Variants in SGPP2 observed in about 807,000 individuals in gnomAD.
SGPP2 encodes sphingosine-1-phosphate phosphatase 2.
Under a neutral mutation model 33.9 loss-of-function variants are expected in SGPP2, and 30 were observed. That is an observed-to-expected ratio of 0.89 (90% CI 0.66 to 1.20). The LOEUF (loss-of-function observed/expected upper bound fraction) is 1.20. Ranked by LOEUF, SGPP2 falls within the 50% of genes most tolerant of loss-of-function variation. SGPP2 has a pLI of 0.00. For synonymous variants in SGPP2, 233 were observed against 225.0 expected (o/e 1.04, Z -0.32); for missense variants, 458 against 532.1 (o/e 0.86, Z 1.37).
intron 4 of SGPP2, 30 bp downstream of exon 4, chr2:222,525,063 A>AT: frequency 6.5e-7 from 1 of 1,526,856 alleles, no homozygotes; most frequent in Non-Finnish European, 9.0e-7. Context: ...TCTTGTGGTG[A>AT]TTGTTTGAAT....
chr2:222,449,904 A>G (rs1697457369), intron 1 of SGPP2, among the ~76,000 whole-genome samples: 1 of 152,178 alleles, frequency 6.6e-6, no homozygotes, highest in Non-Finnish European at 1.5e-5. Context: ...CCTGCTAGCA[A>G]GTATGGGAAT....
intron 3 of SGPP2, among the ~76,000 whole-genome samples, chr2:222,523,541 C>T (rs1698716664): frequency 6.6e-6 from 1 of 152,172 alleles, no homozygotes; most frequent in East Asian, 1.9e-4. Context: ...CCACCCAGTC[C>T]TCCTTAAAAA....
chr2:222,481,430 C>T (rs995288349), intron 2 of SGPP2, among the ~76,000 whole-genome samples: 4 of 151,988 alleles, frequency 2.6e-5, no homozygotes, highest in African/African-American at 7.3e-5. Context: ...CAGTTGTTAA[C>T]GTAGAATGAT....
chr2:222,551,940 C>T (rs1468480992), intron 4 of SGPP2, among the ~76,000 whole-genome samples: 1 of 152,204 alleles, frequency 6.6e-6, no homozygotes, highest in East Asian at 1.9e-4. Flanking sequence ...TTACCTCCCA[C>T]TTTTGAGTGA....
At position 222,446,896 on chromosome 2, in the gene SGPP2, G is replaced by A. The variant is rs188271493; in HGVS notation, c.219+22075G>A. ...AAAATATGGAAAAAAGAAGGATTGA[G>A]TTGTAAAGGAAGTCCGTAAACTCAG... On this transcript the variant is annotated intron_variant, in intron 1 of 4. Transcript: ENST00000321276. Among the ~76,000 whole-genome samples, 256 of 152,334 alleles carry A rather than the reference G, an allele frequency of 1.7e-3. 2 individuals are homozygous for A. The Middle Eastern group carries it at 0.017, about 10-fold the overall frequency.
chr2:222,535,033 T>C (rs1351401854), intron 4 of SGPP2, among the ~76,000 whole-genome samples: 1 of 152,184 alleles, frequency 6.6e-6, no homozygotes, highest in Admixed American at 6.5e-5. Flanking sequence ...GGCAAATTAA[T>C]TTGTGTACCT....
intron 1 of SGPP2, among the ~76,000 whole-genome samples, chr2:222,430,783 C>A (rs1697142510): frequency 6.6e-6 from 1 of 152,216 alleles, no homozygotes; most frequent in African/African-American, 2.4e-5. Flanking sequence ...ATGTTGACAT[C>A]ATGTTCTCTT....
chr2:222,466,836 TC>T lies in SGPP2; in HGVS notation c.220-7731del, dbSNP rs1697753777. Among the ~76,000 whole-genome samples, 3 of 152,302 alleles carry T rather than the reference TC, an allele frequency of 2.0e-5. No homozygotes were observed. In the South Asian group the frequency reaches 6.2e-4, roughly 32 times the overall value. On this transcript the variant is annotated intron_variant, in intron 1 of 4. Coordinates refer to ENST00000321276, the MANE Select transcript of SGPP2 (RefSeq NM_152386.4). ...AGCATATTTCTTTCTGCATCATCAGTCAGTCATTTGATCAGGCTGCTGTCTC... is the reference window on the plus strand; with the variant it reads ...AGCATATTTCTTTCTGCATCATCAGTAGTCATTTGATCAGGCTGCTGTCTC...
At position 222,533,794 on chromosome 2, in the gene SGPP2, T is replaced by A. The variant is rs567865506; in HGVS notation, c.648+8761T>A. Among the ~76,000 whole-genome samples, 8 of 152,092 alleles carry A rather than the reference T, an allele frequency of 5.3e-5. No individual in the cohort carries two copies. In the East Asian group the frequency reaches 7.7e-4, roughly 15 times the overall value. ...TGGAGTTCTGGGCTTCATTTATTTT[T>A]TTTTTTTTTCTATTTCGCTCCTTAA... On this transcript the variant is annotated intron_variant, in intron 4 of 4. Transcript: ENST00000321276.
At chr2:222,491,995 A>T (rs1178062091) in intron 2 of SGPP2, among the ~76,000 whole-genome samples, 3 of 152,222 alleles carry the variant, frequency 2.0e-5, no homozygotes. Flanking sequence ...CAATCATTAA[A>T]TCTTAAAAGC....
At chr2:222,468,712 G>A (rs34191887) in intron 1 of SGPP2, among the ~76,000 whole-genome samples, 2 of 152,110 alleles carry the variant, frequency 1.3e-5, no homozygotes, top group Non-Finnish European at 2.9e-5. Context: ...GTGTTCATTG[G>A]CAGGGTTTAG....
Position 222,558,949 on chromosome 2 carries a change from G to T in SGPP2, c.*51G>T, listed in dbSNP as rs772891598. Reference sequence around the variant, plus strand: ...ACTGGACATGAAAGCCAAGACATAGGAAAGTTATTGGTAGGCAAATCTTGA... The same window carrying T: ...ACTGGACATGAAAGCCAAGACATAGTAAAGTTATTGGTAGGCAAATCTTGA... On this transcript the variant is annotated 3_prime_UTR_variant, in exon 5 of 5. Coordinates refer to ENST00000321276, the MANE Select transcript of SGPP2 (RefSeq NM_152386.4). 6.5e-7 allele frequency: 1 copy of T among 1,550,296 alleles called. No individual in the cohort carries two copies. Among genetic ancestry groups the T allele is most frequent in the Non-Finnish European group, 8.8e-7 (1 of 1,140,828 alleles).
Position 222,558,409 on chromosome 2 carries a change from C to T in SGPP2, c.711C>T (p.Thr237=), listed in dbSNP as rs1029223392. 6.2e-7 allele frequency: 1 copy of T among 1,614,186 alleles called. No individual in the cohort carries two copies. ...LLIVLTYPAW[T]FIDCLDSASP... The stretch of plus-strand genomic sequence containing the variant: ...TCGTCCTCACCTACCCTGCCTGGAC[C>T]TTCATCGACTGCCTGGACTCGGCCA... Residue 237 remains threonine (T), a synonymous_variant, in exon 5 of 5, where the codon ACC becomes ACT. Coordinates refer to ENST00000321276, the MANE Select transcript of SGPP2 (RefSeq NM_152386.4).
intron 1 of SGPP2, among the ~76,000 whole-genome samples, chr2:222,448,932 G>A (rs1295202481): frequency 1.3e-5 from 2 of 152,182 alleles, no homozygotes; most frequent in African/African-American, 4.8e-5. Context: ...GTGACCAGCT[G>A]TTCCCCATCT....
chr2:222,469,720 CCTA>C (rs1221156863), intron 1 of SGPP2, among the ~76,000 whole-genome samples: 6 of 152,152 alleles, frequency 3.9e-5, no homozygotes, highest in Non-Finnish European at 7.3e-5. Context: ...AACTGAAATT[CCTA>C]CTATTTCCAA....
intron 4 of SGPP2, among the ~76,000 whole-genome samples, chr2:222,526,661 A>C (rs1698763068): frequency 6.6e-6 from 1 of 152,228 alleles, no homozygotes; most frequent in African/African-American, 2.4e-5. Flanking sequence ...AATGTAGTAC[A>C]TATACATCAT....
Position 222,460,719 on chromosome 2 carries a change from G to C in SGPP2, c.220-13849G>C, listed in dbSNP as rs1697645492. 6.6e-6 allele frequency among the ~76,000 whole-genome samples: 1 copy of C among 152,100 alleles called. No homozygotes were observed. The highest frequency in any genetic ancestry group is 1.5e-5 in the Non-Finnish European group (1 of 68,016). On this transcript the variant is annotated intron_variant, in intron 1 of 4. Transcript: ENST00000321276. The surrounding 1 kb of genome is among the most constrained non-coding windows in gnomAD (Gnocchi z 4.3). ...TCCCTTTACAAATCCCTCACACCCT[G>C]GCTGCTCTGTCGTGGACCAGGTACT...
At chr2:222,544,781 A>G (rs1203592545) in intron 4 of SGPP2, among the ~76,000 whole-genome samples, 1 of 151,856 alleles carries the variant, frequency 6.6e-6, no homozygotes, top group African/African-American at 2.4e-5. Flanking sequence ...TGCCTGTGAC[A>G]TATTATTAAT....
At chr2:222,520,556 C>T (rs984460830) in intron 2 of SGPP2, among the ~76,000 whole-genome samples, 2 of 152,036 alleles carry the variant, frequency 1.3e-5, no homozygotes, top group Non-Finnish European at 2.9e-5. Context: ...CATGGTGAAA[C>T]CCTGTCTCTA....
Sources: gnomAD v4.1 joint callset for allele counts (sites outside exome capture counted in the v4.1 genomes callset) on GRCh38, gnomAD v4.1.1 for gene constraint, Gnocchi (gnomAD v3.1) non-coding constraint, MANE v1.5 for transcripts, NCBI Gene and HGNC (gene_info 2026-07-23, HGNC 2026-07-21) for gene names.